Variants in SPOCK1 observed in about 807,000 individuals in gnomAD.
The protein encoded by SPOCK1 is SPARC (osteonectin), cwcv and kazal like domains proteoglycan 1.
A neutral mutation model predicts 55.3 loss-of-function variants in SPOCK1; 23 were observed. The ratio of observed to expected loss-of-function variants is 0.42; its 90% confidence interval spans 0.30 to 0.59. The LOEUF (loss-of-function observed/expected upper bound fraction) is 0.59, where lower values mean the gene tolerates loss of function less well. Among genes scored for constraint, SPOCK1 ranks in the 20% least tolerant of loss-of-function variants. The pLI, the probability that SPOCK1 is intolerant of heterozygous loss-of-function variation, is 0.22. For missense variants in SPOCK1, 499 were observed against 552.5 expected, an observed-to-expected ratio of 0.90 and a Z score of 0.97; for synonymous variants, 226 against 221.0, an observed-to-expected ratio of 1.02 and a Z score of -0.20.
chr5:137,477,560 G>A (rs959684463), intron 2 of SPOCK1, among the ~76,000 whole-genome samples: 20 of 152,102 alleles, frequency 1.3e-4, no homozygotes, highest in African/African-American at 4.6e-4. Context: ...TAACTTGCAG[G>A]GAAGCAGAGG....
At chr5:136,997,688 T>C (rs1337654586) in intron 6 of SPOCK1, among the ~76,000 whole-genome samples, 2 of 152,256 alleles carry the variant, frequency 1.3e-5, no homozygotes, top group Non-Finnish European at 1.5e-5. Flanking sequence ...GCCTTGCTAA[T>C]GCCAATTCCT....
chr5:137,323,463 G>A (rs1758016664), intron 2 of SPOCK1, among the ~76,000 whole-genome samples: 1 of 151,674 alleles, frequency 6.6e-6, no homozygotes, highest in African/African-American at 2.4e-5. Context: ...CAATTCACCA[G>A]GAAGACATAC....
chr5:137,497,701 G>A (rs570349938), intron 2 of SPOCK1, among the ~76,000 whole-genome samples: 1 of 152,300 alleles, frequency 6.6e-6, no homozygotes, highest in Non-Finnish European at 1.5e-5. Context: ...GGCTCCCACG[G>A]AGGAGCAATG....
intron 3 of SPOCK1, among the ~76,000 whole-genome samples, chr5:137,206,564 T>C (rs974580164): frequency 6.6e-5 from 10 of 152,344 alleles, no homozygotes; most frequent in African/African-American, 2.4e-4. Flanking sequence ...GCAAGAGACT[T>C]GCCCCACCGT....
intron 2 of SPOCK1, among the ~76,000 whole-genome samples, chr5:137,298,162 C>T (rs1182335946): frequency 6.6e-6 from 1 of 152,164 alleles, no homozygotes; most frequent in African/African-American, 2.4e-5. Flanking sequence ...GCTATGTGTG[C>T]AGTGAGGACC....
intron 3 of SPOCK1, among the ~76,000 whole-genome samples, chr5:137,259,696 A>G (rs1210357768): frequency 6.6e-6 from 1 of 151,652 alleles, no homozygotes; most frequent in Non-Finnish European, 1.5e-5. Context: ...AGTAAAAAAA[A>G]AAAAAAAAGA....
At chr5:137,043,906 T>C (rs191008651) in intron 6 of SPOCK1, among the ~76,000 whole-genome samples, 1 of 152,340 alleles carries the variant, frequency 6.6e-6, no homozygotes, top group East Asian at 1.9e-4. Flanking sequence ...TAGCTGATTA[T>C]AATGTATTGA....
intron 5 of SPOCK1, among the ~76,000 whole-genome samples, chr5:137,111,016 AAACTC>A (rs1753459964): frequency 6.6e-6 from 1 of 152,142 alleles, no homozygotes; most frequent in Non-Finnish European, 1.5e-5. Context: ...TGGGAGGATA[AAACTC>A]AACTATTAGT....
chr5:137,148,604 G>A (rs1182186790), intron 3 of SPOCK1, among the ~76,000 whole-genome samples: 2 of 152,136 alleles, frequency 1.3e-5, no homozygotes, highest in African/African-American at 4.8e-5. Flanking sequence ...GAAAGGAAGG[G>A]GAGGGAGAAC....
Position 137,361,950 on chromosome 5 carries a change from C to T in SPOCK1, c.187-94895G>A, listed in dbSNP as rs185859910. ...ACCCTCAAACACAATGATTTTACAG[C>T]GAGCTTCCCCCTTAAGTGTTCCTCT... On this transcript the variant is annotated intron_variant, in intron 2 of 10. Coordinates refer to ENST00000394945, the MANE Select transcript of SPOCK1 (RefSeq NM_004598.4). Among the ~76,000 whole-genome samples the T allele has an allele frequency of 2.8e-4, 43 of 152,260 alleles. 1 individual carries two copies. The East Asian group carries it at 8.3e-3, about 29-fold the overall frequency.
intron 2 of SPOCK1, among the ~76,000 whole-genome samples, chr5:137,488,548 A>C (rs1580955431): frequency 1.3e-5 from 2 of 152,184 alleles, no homozygotes; most frequent in East Asian, 3.8e-4. Flanking sequence ...ATGCCACTCT[A>C]ACAGACCGCT....
At chr5:137,324,877 C>T (rs1758046680) in intron 2 of SPOCK1, among the ~76,000 whole-genome samples, 1 of 151,704 alleles carries the variant, frequency 6.6e-6, no homozygotes, top group African/African-American at 2.4e-5. Context: ...GGTTTCCCCA[C>T]CCCAAAATTT....
intron 2 of SPOCK1, among the ~76,000 whole-genome samples, chr5:137,331,719 T>A (rs1301348533): frequency 3.3e-5 from 5 of 152,074 alleles, no homozygotes; most frequent in African/African-American, 1.2e-4. Flanking sequence ...AACTCACTCA[T>A]CACCGAGGGG....
intron 2 of SPOCK1, among the ~76,000 whole-genome samples, chr5:137,385,764 G>A (rs944487642): frequency 3.3e-5 from 5 of 152,126 alleles, no homozygotes; most frequent in Non-Finnish European, 7.4e-5. Context: ...TCCATTCTAC[G>A]GCATTCACTG....
chr5:137,235,889 C>T (rs957225937), intron 3 of SPOCK1, among the ~76,000 whole-genome samples: 3 of 152,206 alleles, frequency 2.0e-5, no homozygotes, highest in Admixed American at 6.5e-5. Context: ...TATACATGAA[C>T]ATGAAAGTCT....
chr5:137,261,888 G>A (rs1756748510), intron 3 of SPOCK1, among the ~76,000 whole-genome samples: 1 of 152,146 alleles, frequency 6.6e-6, no homozygotes, highest in Non-Finnish European at 1.5e-5. Flanking sequence ...TTTCCTGAGT[G>A]CACCCTGGCT....
At chr5:137,337,053 G>A (rs770641738) in intron 2 of SPOCK1, among the ~76,000 whole-genome samples, 4 of 152,192 alleles carry the variant, frequency 2.6e-5, no homozygotes, top group Non-Finnish European at 5.9e-5. Context: ...CTAGAACAGT[G>A]CCTGGCACAC....
At chr5:137,295,613 T>C (rs1757463446) in intron 2 of SPOCK1, among the ~76,000 whole-genome samples, 1 of 152,194 alleles carries the variant, frequency 6.6e-6, no homozygotes, top group African/African-American at 2.4e-5. Context: ...CACGTGACTT[T>C]TTCCCCCAGT....
intron 2 of SPOCK1, among the ~76,000 whole-genome samples, chr5:137,451,766 G>T (rs1753259786): frequency 1.3e-5 from 2 of 152,212 alleles, no homozygotes; most frequent in Non-Finnish European, 2.9e-5. Context: ...GCTTGTATAA[G>T]ATGCTGCCAG....
Sources: allele counts gnomAD v4.1 joint callset (sites outside exome capture counted in the v4.1 genomes callset), GRCh38; gene constraint gnomAD v4.1.1; transcripts MANE v1.5; gene names NCBI Gene and HGNC (gene_info 2026-07-23, HGNC 2026-07-21).